FOXN3: variants seen among roughly 807,000 people sequenced by gnomAD.
FOXN3 encodes forkhead box protein N3.
In FOXN3, 7 loss-of-function variants were observed where a neutral mutation model predicts 38.4. That is an observed-to-expected ratio of 0.18 (90% CI 0.10 to 0.34). The LOEUF is 0.34. Ranked by LOEUF, FOXN3 falls within the 10% of genes least tolerant of loss-of-function variation. The pLI, the probability that FOXN3 is intolerant of heterozygous loss-of-function variation, is 1.00. For missense variants in FOXN3, 456 were observed against 613.4 expected, an observed-to-expected ratio of 0.74 and a Z score of 2.71; for synonymous variants, 230 against 242.2, an observed-to-expected ratio of 0.95 and a Z score of 0.47.
intron 4 of FOXN3, among the ~76,000 whole-genome samples, chr14:89,195,621 G>T (rs921985282): frequency 6.6e-6 from 1 of 152,182 alleles, no homozygotes; most frequent in Non-Finnish European, 1.5e-5. Flanking sequence ...GGGAGCAGTG[G>T]ATTGGCTTTG....
At chr14:89,260,452 C>T (rs924012100) in intron 4 of FOXN3, among the ~76,000 whole-genome samples, 2 of 152,218 alleles carry the variant, frequency 1.3e-5, no homozygotes, top group African/African-American at 2.4e-5. Flanking sequence ...GAGGGGCTCT[C>T]TCTTCTTAGC....
chr14:89,260,223 A>G (rs1246612128), intron 4 of FOXN3, among the ~76,000 whole-genome samples: 2 of 152,222 alleles, frequency 1.3e-5, no homozygotes, highest in South Asian at 2.1e-4. Context: ...TTTAATCTGA[A>G]CTAACTCCCC....
intron 2 of FOXN3, among the ~76,000 whole-genome samples, chr14:89,352,128 C>T (rs939582001): frequency 2.0e-5 from 3 of 152,214 alleles, no homozygotes; most frequent in East Asian, 1.9e-4. Context: ...CACCCACCCC[C>T]ACGTGCAGGC....
intron 3 of FOXN3, among the ~76,000 whole-genome samples, chr14:89,348,246 G>A (rs902204309): frequency 2.6e-5 from 4 of 152,028 alleles, no homozygotes; most frequent in East Asian, 1.9e-4. Flanking sequence ...AGGGGCTGAC[G>A]GGTGATTCCC....
intron 4 of FOXN3, among the ~76,000 whole-genome samples, chr14:89,238,980 T>C (rs1885062597): frequency 1.3e-5 from 2 of 152,160 alleles, no homozygotes; most frequent in South Asian, 2.1e-4. Context: ...CACCCAGCTA[T>C]AGCACACATG....
At chr14:89,221,237 C>T (rs1353604221) in intron 4 of FOXN3, among the ~76,000 whole-genome samples, 2 of 152,114 alleles carry the variant, frequency 1.3e-5, no homozygotes, top group Non-Finnish European at 2.9e-5. Context: ...TCTATTCCAG[C>T]GAAGTGTCTT....
At chr14:89,531,845 T>C (rs1227979272) in intron 1 of FOXN3, among the ~76,000 whole-genome samples, 2 of 152,166 alleles carry the variant, frequency 1.3e-5, no homozygotes, top group East Asian at 3.9e-4. Context: ...AGTCTCACCC[T>C]GGCACCCAGG....
intron 1 of FOXN3, among the ~76,000 whole-genome samples, chr14:89,460,546 C>T (rs893199322): frequency 6.6e-6 from 1 of 152,126 alleles, no homozygotes; most frequent in African/African-American, 2.4e-5. Context: ...CGTTAGCCTG[C>T]ATCCAGGAGT....
chr14:89,505,959 C>A (rs1303009032), intron 1 of FOXN3, among the ~76,000 whole-genome samples: 1 of 150,862 alleles, frequency 6.6e-6, no homozygotes, highest in African/African-American at 2.4e-5. Flanking sequence ...CTCTGCCTGG[C>A]AACCGCCCCG....
chr14:89,348,565 G>A (rs1888842184), intron 3 of FOXN3, among the ~76,000 whole-genome samples: 1 of 152,160 alleles, frequency 6.6e-6, no homozygotes, highest in East Asian at 1.9e-4. Context: ...CATGGAAGAG[G>A]CAGACTAGAA....
intron 1 of FOXN3, among the ~76,000 whole-genome samples, chr14:89,555,836 A>T (rs1393709116): frequency 1.7e-5 from 1 of 58,100 alleles, no homozygotes; most frequent in East Asian, 4.0e-4. Flanking sequence ...CTTCTAGTTC[A>T]TGGTGTGTGT....
intron 1 of FOXN3, among the ~76,000 whole-genome samples, chr14:89,513,059 G>A (rs775023926): frequency 1.4e-5 from 2 of 146,374 alleles, no homozygotes; most frequent in Non-Finnish European, 3.0e-5. Flanking sequence ...AGAATTGCTT[G>A]AACTCGGGGG....
chr14:89,580,702 C>G (rs1055545950), intron 1 of FOXN3, among the ~76,000 whole-genome samples: 2 of 152,210 alleles, frequency 1.3e-5, no homozygotes, highest in African/African-American at 4.8e-5. Flanking sequence ...AGTGGGAATA[C>G]ATTTGCTCCA....
At chr14:89,386,589 C>T (rs1383791228) in intron 2 of FOXN3, among the ~76,000 whole-genome samples, 1 of 152,242 alleles carries the variant, frequency 6.6e-6, no homozygotes, top group African/African-American at 2.4e-5. Context: ...CTAACAAGGG[C>T]TCAATCAATG....
chr14:89,305,574 G>T (rs1321670835), intron 3 of FOXN3, among the ~76,000 whole-genome samples: 1 of 152,184 alleles, frequency 6.6e-6, no homozygotes, highest in Admixed American at 6.5e-5. Flanking sequence ...CAAGACAAAA[G>T]AATTTACAGT....
At chr14:89,379,102 G>C (rs541636670) in intron 2 of FOXN3, among the ~76,000 whole-genome samples, 1 of 152,314 alleles carries the variant, frequency 6.6e-6, no homozygotes, top group South Asian at 2.1e-4. Flanking sequence ...GTGATACCCT[G>C]GCTGGCTTTC....
intron 2 of FOXN3, among the ~76,000 whole-genome samples, chr14:89,398,505 C>A (rs890721928): frequency 6.6e-6 from 1 of 152,064 alleles, no homozygotes; most frequent in African/African-American, 2.4e-5. Flanking sequence ...AATTGCCAGC[C>A]CCCAATTTAT....
chr14:89,404,504 CAAAAAAAAAA>C (rs71130075), intron 2 of FOXN3, among the ~76,000 whole-genome samples: 25 of 61,036 alleles, frequency 4.1e-4, no homozygotes, highest in South Asian at 2.6e-3. Flanking sequence ...GACTCTGTCT[CAAAAAAAAAA>C]AAAAAAAAAA....
At chr14:89,357,845 G>A (rs1363073213) in intron 2 of FOXN3, among the ~76,000 whole-genome samples, 1 of 151,950 alleles carries the variant, frequency 6.6e-6, no homozygotes. Flanking sequence ...ACTTATTCTC[G>A]CTATTATGCA....
Sources: gnomAD v4.1 joint callset for allele counts (sites outside exome capture counted in the v4.1 genomes callset) on GRCh38, gnomAD v4.1.1 for gene constraint, MANE v1.5 for transcripts, NCBI Gene and HGNC (gene_info 2026-07-23, HGNC 2026-07-21) for gene names.